Variants in GNAQ observed in about 807,000 individuals in gnomAD.
GNAQ encodes the protein guanine nucleotide-binding protein G(q) subunit alpha.
In GNAQ, 8 loss-of-function variants were observed where a neutral mutation model predicts 43.9. The ratio of observed to expected loss-of-function variants is 0.18; its 90% CI spans 0.11 to 0.33. The LOEUF is 0.33. GNAQ is among the 10% of genes least tolerant of loss of function. The pLI is 1.00. For missense variants in GNAQ, 158 were observed against 450.8 expected (o/e 0.35, Z 5.88); for synonymous variants, 155 against 170.7 (o/e 0.91, Z 0.71).
intron 1 of GNAQ, among the ~76,000 whole-genome samples, chr9:78,025,283 T>C (rs946497411): frequency 6.6e-5 from 10 of 152,240 alleles, no homozygotes; most frequent in African/African-American, 2.4e-4. Context: ...AAGGTGATTG[T>C]TGAACAACTT....
Position 77,870,032 on chromosome 9 carries a change from A to C in GNAQ, c.321+52129T>G, listed in dbSNP as rs1201234524. ...TCTTTGAGGTCTTTGAATCACCTGC[A>C]ATCAGAAATATAGCTAGAATAATAG... is the stretch of plus-strand genomic sequence containing the variant. On this transcript the variant is annotated intron_variant, in intron 2 of 6. Coordinates refer to ENST00000286548, the MANE Select transcript of GNAQ (RefSeq NM_002072.5). 4.6e-5 allele frequency among the ~76,000 whole-genome samples: 7 copies of C among 152,214 alleles called. No individual in the cohort carries two copies. The East Asian group carries it at 1.3e-3, about 29-fold the overall frequency.
chr9:77,895,543 C>A (rs1828486212), intron 2 of GNAQ, among the ~76,000 whole-genome samples: 2 of 152,134 alleles, frequency 1.3e-5, no homozygotes, highest in Admixed American at 1.3e-4. Flanking sequence ...TCTTGGTCTG[C>A]AGGGTTTGAG....
intron 5 of GNAQ, among the ~76,000 whole-genome samples, chr9:77,749,716 T>C (rs969472156): frequency 6.6e-6 from 1 of 152,026 alleles, no homozygotes; most frequent in East Asian, 1.9e-4. Flanking sequence ...TACACAGCAA[T>C]CCAGTATATT....
At chr9:77,752,856 G>A (rs1825833070) in intron 5 of GNAQ, among the ~76,000 whole-genome samples, 1 of 152,122 alleles carries the variant, frequency 6.6e-6, no homozygotes, top group Admixed American at 6.6e-5. Flanking sequence ...GGAGGCCAAG[G>A]CAGGCAGATC....
At chr9:77,980,470 T>C (rs934122387) in intron 1 of GNAQ, among the ~76,000 whole-genome samples, 11 of 152,142 alleles carry the variant, frequency 7.2e-5, no homozygotes, top group African/African-American at 2.2e-4. Flanking sequence ...AGACGGAAAT[T>C]TGGTCAAAGA....
intron 5 of GNAQ, among the ~76,000 whole-genome samples, chr9:77,766,529 G>A (rs1266912790): frequency 2.0e-5 from 3 of 152,118 alleles, no homozygotes; most frequent in African/African-American, 7.2e-5. Flanking sequence ...ACTTCTGGGT[G>A]TCTCTGATTT....
At chr9:77,882,012 C>T (rs1429271193) in intron 2 of GNAQ, among the ~76,000 whole-genome samples, 1 of 152,112 alleles carries the variant, frequency 6.6e-6, no homozygotes, top group Non-Finnish European at 1.5e-5. Context: ...GTGGCGGGCG[C>T]CTGTAGTCCC....
intron 2 of GNAQ, among the ~76,000 whole-genome samples, chr9:77,846,617 T>G (rs1827589084): frequency 6.6e-6 from 1 of 152,152 alleles, no homozygotes; most frequent in Non-Finnish European, 1.5e-5. Flanking sequence ...ATGGCCGAAC[T>G]GTTTATCATC....
chr9:77,850,102 G>A (rs1290258662), intron 2 of GNAQ, among the ~76,000 whole-genome samples: 1 of 152,210 alleles, frequency 6.6e-6, no homozygotes, highest in African/African-American at 2.4e-5. Context: ...CCAAATGTCG[G>A]CTACACACTT....
chr9:77,792,654 AT>A (rs1183762273), intron 5 of GNAQ, among the ~76,000 whole-genome samples: 1 of 152,152 alleles, frequency 6.6e-6, no homozygotes, highest in African/African-American at 2.4e-5. Context: ...TGGTAAATTG[AT>A]AAGTATTACA....
chr9:77,846,126 G>A (rs781500754), intron 2 of GNAQ, among the ~76,000 whole-genome samples: 1 of 152,170 alleles, frequency 6.6e-6, no homozygotes. Context: ...GTTTGGCCAC[G>A]GTCTGTTGAT....
Position 77,863,892 on chromosome 9 carries a change from G to A in GNAQ, c.322-48122C>T, listed in dbSNP as rs552130631. Among the ~76,000 whole-genome samples, 35 of 152,218 alleles carry A rather than the reference G, an allele frequency of 2.3e-4. 1 individual carries two copies. Among genetic ancestry groups the A allele is most frequent in the Non-Finnish European group, 4.3e-4 (29 of 68,004 alleles). On this transcript the variant is annotated intron_variant, in intron 2 of 6. Coordinates refer to ENST00000286548, the MANE Select transcript of GNAQ (RefSeq NM_002072.5). ...GAGAATAGCAAGGGAAAGACCTGCC[G>A]CCATGATTCAATTACCTACCACTGG...
At chr9:77,939,396 A>G (rs1829282583) in intron 1 of GNAQ, among the ~76,000 whole-genome samples, 1 of 152,228 alleles carries the variant, frequency 6.6e-6, no homozygotes, top group Admixed American at 6.5e-5. Context: ...CTCAAACCTC[A>G]CTAGGAATAT....
At chr9:77,889,447 A>AAAAAAAAAAAAAAAAAAAT in intron 2 of GNAQ, among the ~76,000 whole-genome samples, 1 of 135,098 alleles carries the variant, frequency 7.4e-6, no homozygotes, top group Admixed American at 7.8e-5. Context: ...AAAAAAAAAA[A>AAAAAAAAAAAAAAAAAAAT]ATCCTTAATC....
chr9:77,738,840 A>T, intron 5 of GNAQ, among the ~76,000 whole-genome samples: 1 of 152,094 alleles, frequency 6.6e-6, no homozygotes, highest in African/African-American at 2.4e-5. Context: ...GTAAAATCTT[A>T]TGTTCTATAT....
At chr9:77,782,829 A>C (rs568760624) in intron 5 of GNAQ, among the ~76,000 whole-genome samples, 1 of 152,376 alleles carries the variant, frequency 6.6e-6, no homozygotes, top group South Asian at 2.1e-4. Context: ...TGATGAGGCC[A>C]TGAAAAGACA....
At chr9:77,979,708 C>G (rs1823345941) in intron 1 of GNAQ, among the ~76,000 whole-genome samples, 1 of 152,190 alleles carries the variant, frequency 6.6e-6, no homozygotes, top group African/African-American at 2.4e-5. Context: ...TCTTATGATA[C>G]TAAGATACTT....
chr9:77,737,959 T>C lies in GNAQ; in HGVS notation c.736-9292A>G, dbSNP rs147028123. ...AACTTATAACAGACAACACAGATTA[T>C]TCCTGTAGACAGTAGTGACTCTTCT... On this transcript the variant is annotated intron_variant, in intron 5 of 6. Transcript: ENST00000286548. Among the ~76,000 whole-genome samples, 12 of 152,312 alleles carry C rather than the reference T, an allele frequency of 7.9e-5. No individual in the cohort carries two copies. The East Asian group carries it at 1.7e-3, about 22-fold the overall frequency.
intron 5 of GNAQ, among the ~76,000 whole-genome samples, chr9:77,770,432 G>C (rs1001777309): frequency 6.6e-6 from 1 of 152,138 alleles, no homozygotes; most frequent in African/African-American, 2.4e-5. Flanking sequence ...GAAAACTCGA[G>C]GCCAGTGCCT....
Sources: allele counts gnomAD v4.1 joint callset (sites outside exome capture counted in the v4.1 genomes callset), GRCh38; gene constraint gnomAD v4.1.1; transcripts MANE v1.5; gene names NCBI Gene and HGNC (gene_info 2026-07-23, HGNC 2026-07-21).